Variants in RPA1 observed in about 807,000 individuals in gnomAD.
RPA1 encodes the protein replication protein A 70 kDa DNA-binding subunit.
RPA1 carries 49 observed loss-of-function variants against 83.0 expected under a neutral mutation model. That is an observed-to-expected ratio of 0.59 (90% CI 0.47 to 0.75). The LOEUF (loss-of-function observed/expected upper bound fraction) is 0.75. RPA1 is among the 30% of genes least tolerant of loss of function. The pLI is 0.00. For missense variants in RPA1, 693 were observed against 776.1 expected (o/e 0.89, Z 1.27); for synonymous variants, 279 against 281.8 (o/e 0.99, Z 0.10).
At chr17:1,842,650 C>T (rs1390048371) in intron 1 of RPA1, among the ~76,000 whole-genome samples, 153 bp from the exon 2 acceptor site, 1 of 152,048 alleles carries the variant, frequency 6.6e-6, no homozygotes, top group East Asian at 1.9e-4. Context: ...TATGATTTGT[C>T]CAGAGTGATA....
At chr17:1,844,777 A>T in intron 4 of RPA1, 91 bp downstream of exon 4, 1 of 933,184 alleles carries the variant, frequency 1.1e-6, no homozygotes, top group Non-Finnish European at 1.6e-6. Flanking sequence ...TCAGCTAAGA[A>T]TCTGCAGCTT....
At chr17:1,880,819 C>T in intron 12 of RPA1, 128 bp downstream of exon 12, 3 of 1,304,896 alleles carry the variant, frequency 2.3e-6, no homozygotes, top group Non-Finnish European at 3.2e-6. Flanking sequence ...TTCCGTGTTT[C>T]TTGAAGGCAT....
At chr17:1,892,712 C>T (rs1914250930) in intron 15 of RPA1, among the ~76,000 whole-genome samples, 1 of 152,222 alleles carries the variant, frequency 6.6e-6, no homozygotes, top group Non-Finnish European at 1.5e-5. Context: ...AATAAATGCA[C>T]ATATAAGGTG....
At chr17:1,885,343 G>A (rs552863871) in intron 13 of RPA1, among the ~76,000 whole-genome samples, 55 of 152,154 alleles carry the variant, frequency 3.6e-4, no homozygotes, top group African/African-American at 9.9e-4. Flanking sequence ...CGTTATTTTC[G>A]TCACATCTAC....
At position 1,866,476 on chromosome 17, in the gene RPA1, G is replaced by A. The variant is rs12941784; in HGVS notation, c.362-5958G>A. 3.8e-3 allele frequency among the ~76,000 whole-genome samples: 577 copies of A among 152,088 alleles called. 4 individuals are homozygous for A. Among genetic ancestry groups the A allele is most frequent in the African/African-American group, 0.013 (520 of 41,506 alleles). On this transcript the variant is annotated intron_variant, in intron 5 of 16. Coordinates refer to ENST00000254719, the MANE Select transcript of RPA1 (RefSeq NM_002945.5). ...ACCACAGGAGCCCACCACCACGCCC[G>A]GCTAAATTTTTTATATTTTTAGTAG...
In RPA1 at chr17:1,897,154, CAGG is replaced by C. The variant is rs767457523; in HGVS notation, c.1833_1835del (p.Arg612del). ...ATGGCCGAAGGCTGGTCATGAGCAT[CAGG>C]AGAAGTGCATTGATGTGAGAGGAGC... On this transcript the variant is annotated inframe_deletion, in exon 17 of 17. Transcript: ENST00000254719. 4.5e-6 allele frequency: 7 copies of C among 1,558,956 alleles called. No individual in the cohort carries two copies. The highest frequency in any genetic ancestry group is 1.9e-5 in the Admixed American group (1 of 51,706).
At position 1,842,788 on chromosome 17, in the gene RPA1, T is replaced by G; in HGVS notation, c.34-15T>G. On this transcript the variant is annotated splice_polypyrimidine_tract_variant and intron_variant, in intron 1 of 16. Coordinates refer to ENST00000254719, the MANE Select transcript of RPA1 (RefSeq NM_002945.5). ...TGAGTGCGTATCTCACACAAACCTG[T>G]TTTTACTCCCTCAGGCCATCATGCA... The G allele has an allele frequency of 6.2e-7, 1 of 1,613,558 alleles. No individual in the cohort carries two copies. The highest frequency in any genetic ancestry group is 8.5e-7 in the Non-Finnish European group (1 of 1,179,542).
intron 4 of RPA1, among the ~76,000 whole-genome samples, chr17:1,847,647 A>C (rs1244767310): frequency 1.3e-5 from 2 of 152,334 alleles, no homozygotes; most frequent in Non-Finnish European, 2.9e-5. Flanking sequence ...ATTTCTGAAT[A>C]ACAGATCATT....
chr17:1,862,717 CTTTTTTTT>C (rs71150827), intron 5 of RPA1, among the ~76,000 whole-genome samples: 2 of 51,762 alleles, frequency 3.9e-5, no homozygotes, highest in Non-Finnish European at 6.8e-5. Context: ...CTGTGCCCAG[CTTTTTTTT>C]TTTTTTTTTT....
rs1290049231 is a variant in RPA1 at position 1,879,649 on chromosome 17, T to C, written c.1042T>C (p.Leu348=). ...NREVAKRNIY[L]MDTSGKVVTA... is the part of the protein sequence containing the mutation. ...AGAAGTTGCCAAGAGGAATATCTAC[T>C]TGATGGACACATCCGGGAAGGTGGT... is the stretch of plus-strand genomic sequence containing the variant. Residue 348 remains leucine, a synonymous_variant, in exon 11 of 17, where the codon TTG becomes CTG. Coordinates refer to ENST00000254719, the MANE Select transcript of RPA1 (RefSeq NM_002945.5). The C allele has an allele frequency of 5.0e-6, 8 of 1,614,128 alleles. No individual in the cohort carries two copies. Among genetic ancestry groups the C allele is most frequent in the African/African-American group, 4.0e-5 (3 of 74,936 alleles).
intron 11 of RPA1, among the ~76,000 whole-genome samples, chr17:1,880,105 T>G (rs1413882387): frequency 1.3e-5 from 2 of 148,398 alleles, no homozygotes; most frequent in Non-Finnish European, 3.0e-5. Context: ...TCCTATAGGA[T>G]GGGGCCTTCA....
chr17:1,833,412 G>A (rs12943538), intron 1 of RPA1, among the ~76,000 whole-genome samples: 34,364 of 152,114 alleles, frequency 0.23, 4,236 homozygotes, highest in East Asian at 0.41. Flanking sequence ...CAGCTTGGGG[G>A]AAAAACAGGA....
At chr17:1,891,666 C>T (rs926342190) in intron 14 of RPA1, 167 bp from the exon 15 acceptor site, 23 of 443,408 alleles carry the variant, frequency 5.2e-5, no homozygotes, top group Non-Finnish European at 8.1e-5. Context: ...GTGTTCCACC[C>T]GCCTTGGCCT....
chr17:1,890,019 A>G (rs1175023220), intron 14 of RPA1, among the ~76,000 whole-genome samples: 2 of 151,816 alleles, frequency 1.3e-5, no homozygotes, highest in Non-Finnish European at 2.9e-5. Context: ...AGAAAAAGAA[A>G]ACAGTTTCAC....
intron 15 of RPA1, among the ~76,000 whole-genome samples, chr17:1,893,220 G>C (rs1043187743): frequency 6.6e-6 from 1 of 152,066 alleles, no homozygotes; most frequent in Non-Finnish European, 1.5e-5. Context: ...TTCAATTTTC[G>C]TATCAGATTT....
rs555286615 is a variant in RPA1, at chr17:1,852,399, G to A, written c.273-702G>A. On this transcript the variant is annotated intron_variant, in intron 4 of 16. Coordinates refer to ENST00000254719, the MANE Select transcript of RPA1 (RefSeq NM_002945.5). ...TGTCTCTTGAAGTGATGTTTGAGAC[G>A]AGAGCTAAAAAATGAGTATTAGATG... 3.9e-5 allele frequency among the ~76,000 whole-genome samples: 6 copies of A among 152,304 alleles called. No homozygotes were observed. The East Asian group carries it at 5.8e-4, about 15-fold the overall frequency.
rs770713670 is a variant in RPA1 at position 1,838,297 on chromosome 17, ATAAT to A, written c.34-4502_34-4499del. On this transcript the variant is annotated intron_variant, in intron 1 of 16. Transcript: ENST00000254719. ...CAGAGCAAAACTCCGTCTCAAAAAAATAATTAAATAAATAAAATAAAAACAGCAG... is the reference window on the plus strand; with the variant it reads ...CAGAGCAAAACTCCGTCTCAAAAAAATAAATAAATAAAATAAAAACAGCAG... Among the ~76,000 whole-genome samples, 6 of 149,462 alleles carry A rather than the reference ATAAT, an allele frequency of 4.0e-5. 1 individual carries two copies. The highest frequency in any genetic ancestry group is 7.4e-5 in the Non-Finnish European group (5 of 67,538).
intron 15 of RPA1, among the ~76,000 whole-genome samples, chr17:1,894,260 A>G (rs1383977785): frequency 6.6e-6 from 1 of 151,466 alleles, no homozygotes; most frequent in East Asian, 1.9e-4. Context: ...TCCGCCTCTC[A>G]GGTCGAAGCA....
At chr17:1,839,147 C>T (rs920561653) in intron 1 of RPA1, among the ~76,000 whole-genome samples, 4 of 151,488 alleles carry the variant, frequency 2.6e-5, no homozygotes, top group East Asian at 1.9e-4. Context: ...TGAGCCACTG[C>T]GCCCGGCCCC....
Sources: gnomAD v4.1 joint callset for allele counts (sites outside exome capture counted in the v4.1 genomes callset) on GRCh38, gnomAD v4.1.1 for gene constraint, MANE v1.5 for transcripts, NCBI Gene and HGNC (gene_info 2026-07-23, HGNC 2026-07-21) for gene names.